STK32B: variants seen among roughly 807,000 people sequenced by gnomAD.
STK32B encodes the protein serine/threonine kinase 32B.
Under a neutral mutation model 52.6 loss-of-function variants are expected in STK32B, and 43 were observed. The observed-to-expected ratio is 0.82, with a 90% CI of 0.64 to 1.05. STK32B has a LOEUF of 1.05. Among genes scored for constraint, STK32B ranks in the 50% least tolerant of loss-of-function variants. The probability of loss-of-function intolerance (pLI) is 0.00; values close to 1 mark genes in which losing one functional copy is unlikely to be tolerated. For missense variants in STK32B, 621 were observed against 534.6 expected (o/e 1.16, Z -1.59); for synonymous variants, 238 against 204.3 (o/e 1.17, Z -1.41).
intron 3 of STK32B, among the ~76,000 whole-genome samples, chr4:5,317,761 A>G (rs1731204919): frequency 2.0e-5 from 3 of 151,518 alleles, no homozygotes; most frequent in South Asian, 4.2e-4. Context: ...TTTGAAGGAT[A>G]AACAAAGAGT....
At chr4:5,117,906 A>G (rs1714824177) in intron 1 of STK32B, among the ~76,000 whole-genome samples, 1 of 152,182 alleles carries the variant, frequency 6.6e-6, no homozygotes, top group African/African-American at 2.4e-5. Context: ...GATAAATCAT[A>G]TTTGATCACA....
intron 1 of STK32B, among the ~76,000 whole-genome samples, chr4:5,066,459 T>G (rs916653783): frequency 5.3e-5 from 8 of 152,206 alleles, no homozygotes; most frequent in African/African-American, 1.9e-4. Context: ...AGTATGATCG[T>G]GTCGGTTCCT....
intron 1 of STK32B, among the ~76,000 whole-genome samples, chr4:5,072,500 C>G (rs139239387): frequency 6.6e-6 from 1 of 152,236 alleles, no homozygotes; most frequent in African/African-American, 2.4e-5. Context: ...TGTCCCTTCA[C>G]TCTCATCTTT....
chr4:5,085,936 G>C (rs1477546360), intron 1 of STK32B, among the ~76,000 whole-genome samples: 2 of 152,166 alleles, frequency 1.3e-5, no homozygotes, highest in Non-Finnish European at 2.9e-5. Flanking sequence ...TGGCTTTCCG[G>C]AAGAAGACTA....
intron 7 of STK32B, among the ~76,000 whole-genome samples, chr4:5,452,997 G>T (rs900178755): frequency 2.6e-5 from 4 of 152,030 alleles, no homozygotes; most frequent in Non-Finnish European, 4.4e-5. Context: ...CTTAATATTT[G>T]CCAGTCATCT....
chr4:5,329,190 G>C (rs1577354702), intron 3 of STK32B, among the ~76,000 whole-genome samples: 2 of 152,104 alleles, frequency 1.3e-5, no homozygotes, highest in South Asian at 4.2e-4. Context: ...CTTCAGCCCT[G>C]CACCCTCCAC....
intron 6 of STK32B, among the ~76,000 whole-genome samples, chr4:5,418,527 C>G (rs1481653396): frequency 2.0e-5 from 3 of 152,146 alleles, no homozygotes; most frequent in African/African-American, 7.2e-5. Flanking sequence ...TAATGTTTTT[C>G]TTTTATTTTC....
chr4:5,424,424 TCCAGGCCCAC>T (rs1444816126), intron 6 of STK32B, among the ~76,000 whole-genome samples: 1 of 152,182 alleles, frequency 6.6e-6, no homozygotes, highest in Non-Finnish European at 1.5e-5. Flanking sequence ...TGATGCTTTT[TCCAGGCCCAC>T]CCATGGCCAC....
At chr4:5,118,452 C>A (rs1159916090) in intron 1 of STK32B, among the ~76,000 whole-genome samples, 2 of 152,212 alleles carry the variant, frequency 1.3e-5, no homozygotes, top group African/African-American at 4.8e-5. Context: ...GAACTCACTC[C>A]CGCCCCAGGC....
chr4:5,240,955 A>G (rs1018268044), intron 3 of STK32B, among the ~76,000 whole-genome samples: 2 of 152,134 alleles, frequency 1.3e-5, no homozygotes, highest in African/African-American at 4.8e-5. Flanking sequence ...TTTTAGCTTT[A>G]CAGTAAATTG....
chr4:5,360,570 C>T (rs770111833), intron 4 of STK32B, among the ~76,000 whole-genome samples: 2 of 152,046 alleles, frequency 1.3e-5, no homozygotes, highest in Non-Finnish European at 2.9e-5. Context: ...ATTACTGATG[C>T]AAGAGGTACA....
chr4:5,244,440 T>C (rs1004581019), intron 3 of STK32B, among the ~76,000 whole-genome samples: 38 of 152,224 alleles, frequency 2.5e-4, no homozygotes, highest in Non-Finnish European at 5.0e-4. Context: ...TGTCATTTTT[T>C]ATTGCATCTA....
Position 5,390,088 on chromosome 4 carries a change from A to G in STK32B, c.435-8119A>G, listed in dbSNP as rs1052304072. ...TCTTTGCCCCTGAGGTTCACTTTGG[A>G]CTTCCACCCTCCAGAACTGTGAGAG... On this transcript the variant is annotated intron_variant, in intron 4 of 11. Transcript: ENST00000282908. 5.3e-5 allele frequency among the ~76,000 whole-genome samples: 8 copies of G among 152,146 alleles called. No homozygotes were observed. In the East Asian group the frequency reaches 9.6e-4, roughly 18 times the overall value.
intron 3 of STK32B, among the ~76,000 whole-genome samples, chr4:5,329,025 T>C (rs1170612943): frequency 6.6e-6 from 1 of 152,156 alleles, no homozygotes; most frequent in Non-Finnish European, 1.5e-5. Context: ...ATAAAAACTT[T>C]CTGGGCAAAC....
chr4:5,201,719 T>C (rs1164769337), intron 3 of STK32B, among the ~76,000 whole-genome samples: 1 of 152,124 alleles, frequency 6.6e-6, no homozygotes, highest in Non-Finnish European at 1.5e-5. Flanking sequence ...GCAAGGCACA[T>C]CTTACATGGT....
intron 2 of STK32B, among the ~76,000 whole-genome samples, chr4:5,166,671 C>A (rs557149637): frequency 4.0e-4 from 61 of 151,792 alleles, no homozygotes; most frequent in African/African-American, 1.4e-3. Flanking sequence ...CCCCCAGGAG[C>A]CTTCAGAGGG....
intron 3 of STK32B, among the ~76,000 whole-genome samples, chr4:5,187,901 A>T (rs1392624951): frequency 2.0e-5 from 3 of 152,162 alleles, no homozygotes; most frequent in African/African-American, 7.2e-5. Flanking sequence ...TGCTACTCTG[A>T]GGGAGAGGAA....
intron 3 of STK32B, among the ~76,000 whole-genome samples, chr4:5,291,043 C>G (rs571551951): frequency 6.6e-6 from 1 of 152,224 alleles, no homozygotes; most frequent in African/African-American, 2.4e-5. Flanking sequence ...TTCTACTGAT[C>G]AATTTTCCTA....
At chr4:5,462,953 C>T (rs1404129058) in intron 9 of STK32B, among the ~76,000 whole-genome samples, 1 of 152,156 alleles carries the variant, frequency 6.6e-6, no homozygotes, top group Non-Finnish European at 1.5e-5. Context: ...GGAAGGAGAC[C>T]CGCAGGCTCT....
Sources: allele counts gnomAD v4.1 joint callset (sites outside exome capture counted in the v4.1 genomes callset), GRCh38; gene constraint gnomAD v4.1.1; transcripts MANE v1.5; gene names NCBI Gene and HGNC (gene_info 2026-07-23, HGNC 2026-07-21).